The following MARCHF1 variants were observed in gnomAD, a reference collection of about 807,000 sequenced individuals.
MARCHF1 encodes the protein membrane associated ring-CH-type finger 1.
MARCHF1 carries 40 observed loss-of-function variants against 54.2 expected under a neutral mutation model. That is an observed-to-expected ratio of 0.74 (90% CI 0.57 to 0.96). MARCHF1 has a LOEUF of 0.96. MARCHF1 is among the 40% of genes least tolerant of loss of function. The pLI is 0.00. For synonymous variants in MARCHF1, 236 were observed against 236.3 expected, an observed-to-expected ratio of 1.00 and a Z score of 0.01; for missense variants, 586 against 656.5, an observed-to-expected ratio of 0.89 and a Z score of 1.17.
At chr4:164,128,716 T>G (rs910801461) in intron 1 of MARCHF1, among the ~76,000 whole-genome samples, 72 of 152,322 alleles carry the variant, frequency 4.7e-4, no homozygotes, top group African/African-American at 1.6e-3. Flanking sequence ...ACCCATTGAC[T>G]CAGCACTCCC....
chr4:164,326,641 A>G lies in MARCHF1; in HGVS notation c.-323+57229T>C, dbSNP rs1042350672. On this transcript the variant is annotated intron_variant, in intron 1 of 9. Transcript: ENST00000514618. Reference sequence around the variant, plus strand: ...ATTTGCTACTATGTAGAGCAGAACTATATCTATCTGACAAATTCAAAGTGC... The same window carrying G: ...ATTTGCTACTATGTAGAGCAGAACTGTATCTATCTGACAAATTCAAAGTGC... 2.6e-5 allele frequency among the ~76,000 whole-genome samples: 4 copies of G among 152,334 alleles called. No homozygotes were observed. In the South Asian group the frequency reaches 6.2e-4, roughly 24 times the overall value.
intron 3 of MARCHF1, among the ~76,000 whole-genome samples, chr4:163,860,298 T>C (rs1200337962): frequency 6.6e-6 from 1 of 152,154 alleles, no homozygotes; most frequent in Admixed American, 6.5e-5. Flanking sequence ...GCTGCATTAT[T>C]AGTGGGGACT....
intron 8 of MARCHF1, among the ~76,000 whole-genome samples, chr4:163,551,140 A>G (rs747350761): frequency 6.6e-6 from 1 of 152,210 alleles, no homozygotes; most frequent in Admixed American, 6.5e-5. Context: ...TGTGATTTAA[A>G]TATTTCAGGT....
At chr4:164,161,880 C>T (rs941335177) in intron 1 of MARCHF1, among the ~76,000 whole-genome samples, 1 of 152,050 alleles carries the variant, frequency 6.6e-6, no homozygotes, top group African/African-American at 2.4e-5. Flanking sequence ...TTATTTACAG[C>T]GATCCTTGAC....
intron 1 of MARCHF1, among the ~76,000 whole-genome samples, chr4:164,363,471 C>T (rs1730784894): frequency 6.6e-6 from 1 of 152,060 alleles, no homozygotes; most frequent in Non-Finnish European, 1.5e-5. Flanking sequence ...GGCAGATTTT[C>T]TCTGGATAGC....
At chr4:164,358,436 C>CAT (rs1442235689) in intron 1 of MARCHF1, among the ~76,000 whole-genome samples, 2 of 152,096 alleles carry the variant, frequency 1.3e-5, no homozygotes, top group South Asian at 2.1e-4. Context: ...AACTATGGCT[C>CAT]AGTTTGAGAA....
At chr4:163,974,324 A>G (rs1382544627) in intron 3 of MARCHF1, among the ~76,000 whole-genome samples, 2 of 152,210 alleles carry the variant, frequency 1.3e-5, no homozygotes, top group African/African-American at 2.4e-5. Flanking sequence ...CTAAGCTTCC[A>G]TTAAGAAATT....
At chr4:164,038,208 T>A (rs6818006) in intron 2 of MARCHF1, among the ~76,000 whole-genome samples, 16,616 of 152,072 alleles carry the variant, frequency 0.11, 1,016 homozygotes, top group Middle Eastern at 0.22. Flanking sequence ...AATTAAAAAA[T>A]AAAGGCCAGG....
At chr4:163,620,271 G>A (rs1285748428) in intron 5 of MARCHF1, among the ~76,000 whole-genome samples, 2 of 151,214 alleles carry the variant, frequency 1.3e-5, no homozygotes, top group Non-Finnish European at 3.0e-5. Context: ...ACCCAGTGTA[G>A]CCGAGGTGGG....
intron 1 of MARCHF1, chr4:164,197,450 G>A (rs1459533749): frequency 5.6e-6 from 9 of 1,613,602 alleles, no homozygotes; most frequent in Non-Finnish European, 7.6e-6. Context: ...AAATATAGAT[G>A]CGTGAGGTTT....
intron 7 of MARCHF1, among the ~76,000 whole-genome samples, chr4:163,595,903 C>A (rs949841402): frequency 6.6e-6 from 1 of 151,790 alleles, no homozygotes; most frequent in African/African-American, 2.4e-5. Flanking sequence ...GGTAAATCTC[C>A]TGTTAAGGGT....
chr4:164,143,502 A>G (rs1329684611), intron 1 of MARCHF1, among the ~76,000 whole-genome samples: 1 of 150,984 alleles, frequency 6.6e-6, no homozygotes, highest in Non-Finnish European at 1.5e-5. Context: ...GCCAGAAGAG[A>G]GTGGGGGCCA....
At chr4:163,774,228 T>C (rs1366655198) in intron 4 of MARCHF1, among the ~76,000 whole-genome samples, 1 of 152,220 alleles carries the variant, frequency 6.6e-6, no homozygotes, top group Admixed American at 6.5e-5. Flanking sequence ...ACAGTTGTTA[T>C]ACTGAATTGT....
chr4:163,841,742 T>C (rs1468069164), intron 4 of MARCHF1, among the ~76,000 whole-genome samples: 1 of 152,140 alleles, frequency 6.6e-6, no homozygotes, highest in Non-Finnish European at 1.5e-5. Flanking sequence ...AAAGTTTGGT[T>C]GGTATGACAA....
chr4:164,138,231 C>A (rs1365776544), intron 1 of MARCHF1, among the ~76,000 whole-genome samples: 1 of 144,722 alleles, frequency 6.9e-6, no homozygotes, highest in Non-Finnish European at 1.5e-5. Flanking sequence ...TTTTTTTTTT[C>A]TTTTGCAATT....
chr4:163,888,314 C>T (rs1181207851), intron 3 of MARCHF1, among the ~76,000 whole-genome samples: 1 of 152,050 alleles, frequency 6.6e-6, no homozygotes, highest in Non-Finnish European at 1.5e-5. Flanking sequence ...GAAACACAGG[C>T]ACAGGGTAGA....
At chr4:163,618,910 GA>G (rs1290888392) in intron 5 of MARCHF1, among the ~76,000 whole-genome samples, 1 of 149,098 alleles carries the variant, frequency 6.7e-6, no homozygotes. Context: ...ACGTAGAGTA[GA>G]ACAGGGGTTT....
chr4:163,536,072 C>T (rs552690627), intron 9 of MARCHF1, among the ~76,000 whole-genome samples: 14 of 152,250 alleles, frequency 9.2e-5, no homozygotes, highest in Admixed American at 2.6e-4. Context: ...CAATAACTTA[C>T]GTCTCTTTAT....
chr4:164,135,704 G>A (rs1471657831), intron 1 of MARCHF1, among the ~76,000 whole-genome samples: 1 of 152,178 alleles, frequency 6.6e-6, no homozygotes, highest in Non-Finnish European at 1.5e-5. Flanking sequence ...CATAGAGCTA[G>A]ACTATATCAG....
Sources: gnomAD v4.1 joint callset for allele counts (sites outside exome capture counted in the v4.1 genomes callset) on GRCh38, gnomAD v4.1.1 for gene constraint, MANE v1.5 for transcripts, NCBI Gene and HGNC (gene_info 2026-07-23, HGNC 2026-07-21) for gene names.